PKHD1: variants seen among roughly 807,000 people sequenced by gnomAD.
The protein encoded by PKHD1 is PKHD1 ciliary IPT domain containing fibrocystin/polyductin.
PKHD1 carries 291 observed loss-of-function variants against 412.0 expected under a neutral mutation model. That is an observed-to-expected ratio of 0.71 (90% CI 0.64 to 0.78). The LOEUF (loss-of-function observed/expected upper bound fraction) is 0.78. Ranked by LOEUF, PKHD1 falls within the 30% of genes least tolerant of loss-of-function variation. PKHD1 has a pLI of 0.00. For synonymous variants in PKHD1, 1,777 were observed against 1,821.5 expected (o/e 0.98, Z 0.62); for missense variants, 4,825 against 4,950.7 (o/e 0.97, Z 0.76).
chr6:51,924,466 G>C (rs908248572), intron 37 of PKHD1, among the ~76,000 whole-genome samples: 5 of 152,166 alleles, frequency 3.3e-5, no homozygotes, highest in African/African-American at 1.2e-4. Flanking sequence ...ACAACGGAAA[G>C]CCACTGAAGA....
intron 48 of PKHD1, among the ~76,000 whole-genome samples, chr6:51,863,130 GGTAAA>G (rs1013720845): frequency 1.3e-5 from 2 of 152,116 alleles, no homozygotes; most frequent in African/African-American, 4.8e-5. Flanking sequence ...AACAAAAAGC[GGTAAA>G]GTAACTTGTG....
intron 35 of PKHD1, among the ~76,000 whole-genome samples, chr6:51,964,692 T>G (rs878896130): frequency 1.3e-5 from 2 of 152,168 alleles, no homozygotes; most frequent in Admixed American, 1.3e-4. Flanking sequence ...GAAAAATCTT[T>G]AATAACTGAA....
At chr6:51,678,075 T>C (rs1776128383) in intron 60 of PKHD1, among the ~76,000 whole-genome samples, 1 of 152,164 alleles carries the variant, frequency 6.6e-6, no homozygotes, top group Non-Finnish European at 1.5e-5. Context: ...TATGATTTTA[T>C]TATTTGAATA....
intron 53 of PKHD1, among the ~76,000 whole-genome samples, chr6:51,776,853 T>C (rs1791104365): frequency 6.6e-6 from 1 of 152,106 alleles, no homozygotes; most frequent in South Asian, 2.1e-4. Flanking sequence ...TTTATTGATG[T>C]TAACAGTGGA....
In PKHD1 at chr6:52,066,002, T is replaced by C. The variant is rs774303004; in HGVS notation, c.854A>G (p.Asp285Gly). The C allele has an allele frequency of 6.3e-7, 1 of 1,588,330 alleles. No individual in the cohort carries two copies. Residue 285 changes from aspartate to glycine, a missense_variant, in exon 12 of 67, where the codon GAC (aspartate) becomes GGC (glycine). Physicochemically the swap from Asp to Gly is moderately conservative, Grantham distance 94. Transcript: ENST00000371117. ...TGCAATGGTAACCTGGGCAGAATTG[T>C]CAAAAAAGTCTCCTGTAATTGTGAT... is the stretch of plus-strand genomic sequence containing the variant. ...TNITITGDFF[D>G]NSAQVTIAGI...
chr6:51,814,654 A>C (rs1040782202), intron 52 of PKHD1, among the ~76,000 whole-genome samples: 1 of 152,150 alleles, frequency 6.6e-6, no homozygotes, highest in Admixed American at 6.5e-5. Flanking sequence ...GGCAAGCCAC[A>C]CCAGGCCCAT....
intron 48 of PKHD1, among the ~76,000 whole-genome samples, chr6:51,866,057 C>T (rs1775019739): frequency 1.3e-5 from 2 of 152,040 alleles, no homozygotes; most frequent in African/African-American, 4.8e-5. Context: ...GCTGCTGCTG[C>T]TGCTGGTCCA....
At chr6:52,086,106 A>ATTTGT (rs913681309) in intron 1 of PKHD1, among the ~76,000 whole-genome samples, 44 of 146,114 alleles carry the variant, frequency 3.0e-4, no homozygotes, top group South Asian at 6.5e-4. Context: ...ACACACACAA[A>ATTTGT]GTGTGTGTGT....
At chr6:51,864,393 G>A (rs1047982647) in intron 48 of PKHD1, among the ~76,000 whole-genome samples, 1 of 152,194 alleles carries the variant, frequency 6.6e-6, no homozygotes, top group Non-Finnish European at 1.5e-5. Context: ...CTAAGTGGCT[G>A]TTGTGGTTCT....
At position 51,746,837 on chromosome 6, in the gene PKHD1, G is replaced by A. The variant is rs745809942; in HGVS notation, c.9882C>T (p.Val3294=). 6.2e-7 allele frequency: 1 copy of A among 1,610,954 alleles called. No homozygotes were observed. The highest frequency in any genetic ancestry group is 8.5e-7 in the Non-Finnish European group (1 of 1,177,540). ...TGTTCTCTGCATTTGGTAGAATGCA[G>A]ACATCCAGGTCATCGCTATAGCAAC... ...VKSCYSDDLD[V]CILPNAENSG... is the part of the protein sequence containing the mutation. Residue 3294 remains valine (V), a synonymous_variant, in exon 59 of 67, where the codon GTC becomes GTT. Transcript: ENST00000371117.
chr6:52,086,576 T>G (rs1162301617), intron 1 of PKHD1, among the ~76,000 whole-genome samples: 3 of 152,204 alleles, frequency 2.0e-5, no homozygotes, highest in African/African-American at 7.2e-5. Flanking sequence ...GCTGGAAATC[T>G]ATAATCATTT....
At chr6:51,920,415 T>C (rs1475567444) in intron 37 of PKHD1, among the ~76,000 whole-genome samples, 1 of 152,266 alleles carries the variant, frequency 6.6e-6, no homozygotes, top group Non-Finnish European at 1.5e-5. Flanking sequence ...TCGGTTTATA[T>C]GCTGGATTAC....
In PKHD1 at chr6:52,022,898, A is replaced by C. The variant is rs759156564; in HGVS notation, c.5283T>G (p.Ser1761=). 5 of 1,614,190 alleles carry C rather than the reference A, an allele frequency of 3.1e-6. No homozygotes were observed. The Admixed American group carries it at 8.3e-5, about 27-fold the overall frequency. Residue 1761 remains serine (S), a synonymous_variant, in exon 33 of 67, where the codon TCT becomes TCG. Coordinates refer to ENST00000371117, the MANE Select transcript of PKHD1 (RefSeq NM_138694.4). ...ACACAGCAGCTGAGACATTCCCTGG[A>C]GAAAATCCCGCTCCAAACACATGCA... ...RLVHVFGAGF[S]PGNVSAAVCG...
intron 37 of PKHD1, among the ~76,000 whole-genome samples, chr6:51,919,967 C>T (rs528706723): frequency 6.5e-4 from 99 of 152,312 alleles, no homozygotes; most frequent in Admixed American, 1.0e-3. Context: ...TGATTTTGCA[C>T]ACTGATTTTG....
At chr6:51,856,098 T>C in intron 48 of PKHD1, 28 bp from the exon 49 acceptor site, 1 of 1,363,946 alleles carries the variant, frequency 7.3e-7, no homozygotes, top group Non-Finnish European at 1.0e-6. Flanking sequence ...GGAAAAAAAA[T>C]GGGTTGAGAG....
In PKHD1 at chr6:52,044,963, C is replaced by T. The variant is rs772509030; in HGVS notation, c.2715+3G>A. The T allele has an allele frequency of 7.4e-6, 12 of 1,613,508 alleles. No homozygotes were observed. In the Admixed American group the frequency reaches 1.8e-4, roughly 25 times the overall value. ...GCACTTAGGGTGGCCCATTCACTCT[C>T]ACCTGAGTATGCTGGTTGGCAGTAG... On this transcript the variant is annotated splice_donor_region_variant and intron_variant, in intron 25 of 66. Transcript: ENST00000371117.
At chr6:51,810,239 A>G (rs1222372902) in intron 52 of PKHD1, among the ~76,000 whole-genome samples, 2 of 152,074 alleles carry the variant, frequency 1.3e-5, no homozygotes, top group African/African-American at 4.8e-5. Flanking sequence ...CCATGTAAAC[A>G]CTTTTTCTTC....
intron 28 of PKHD1, among the ~76,000 whole-genome samples, chr6:52,034,167 G>A (rs1803543958): frequency 1.0e-5 from 1 of 100,486 alleles, no homozygotes; most frequent in Non-Finnish European, 2.1e-5. Flanking sequence ...AAATAAAATA[G>A]GAACTCTAGG....
At chr6:51,813,057 T>C (rs944768919) in intron 52 of PKHD1, among the ~76,000 whole-genome samples, 3 of 152,172 alleles carry the variant, frequency 2.0e-5, no homozygotes, top group Non-Finnish European at 4.4e-5. Context: ...CATGCATTCA[T>C]TGATGTCTTA....
Sources: allele counts gnomAD v4.1 joint callset (sites outside exome capture counted in the v4.1 genomes callset), GRCh38; gene constraint gnomAD v4.1.1; transcripts MANE v1.5; gene names NCBI Gene and HGNC (gene_info 2026-07-23, HGNC 2026-07-21).